The following LDLRAD3 variants were observed in gnomAD, a reference collection of about 807,000 sequenced individuals.
The protein encoded by LDLRAD3 is low-density lipoprotein receptor class A domain-containing protein 3.
A neutral mutation model predicts 29.4 loss-of-function variants in LDLRAD3; 20 were observed. That is an observed-to-expected ratio of 0.68 (90% confidence interval 0.48 to 0.99). The LOEUF (loss-of-function observed/expected upper bound fraction) is 0.99, where lower values mean the gene tolerates loss of function less well. Among genes scored for constraint, LDLRAD3 ranks in the 50% least tolerant of loss-of-function variants. The pLI, the probability that LDLRAD3 is intolerant of heterozygous loss-of-function variation, is 0.00. For missense variants in LDLRAD3, 420 were observed against 454.3 expected (o/e 0.92, Z 0.69); for synonymous variants, 157 against 192.7 (o/e 0.81, Z 1.53).
intron 4 of LDLRAD3, among the ~76,000 whole-genome samples, chr11:36,124,556 T>A (rs1261924161): frequency 6.6e-6 from 1 of 152,006 alleles, no homozygotes; most frequent in African/African-American, 2.4e-5. Flanking sequence ...TTTTGGGAGT[T>A]TTTTCACTGC....
intron 2 of LDLRAD3, among the ~76,000 whole-genome samples, chr11:36,048,499 C>T (rs1237976707): frequency 3.3e-5 from 5 of 149,958 alleles, no homozygotes; most frequent in Admixed American, 2.0e-4. Flanking sequence ...GAAGTTGAGT[C>T]AGGTCTATTG....
chr11:36,038,624 T>C (rs1157093811), intron 2 of LDLRAD3, among the ~76,000 whole-genome samples: 1 of 152,266 alleles, frequency 6.6e-6, no homozygotes, highest in East Asian at 1.9e-4. Context: ...CTGGAAGACA[T>C]GGTGGAGAGC....
chr11:36,120,604 A>G (rs1208638599), intron 4 of LDLRAD3, among the ~76,000 whole-genome samples: 1 of 152,210 alleles, frequency 6.6e-6, no homozygotes, highest in Admixed American at 6.5e-5. Context: ...AATGAGACCC[A>G]GAGGCATTAG....
chr11:35,975,924 C>T (rs1282848148), intron 1 of LDLRAD3, among the ~76,000 whole-genome samples: 2 of 150,594 alleles, frequency 1.3e-5, no homozygotes. Context: ...CTTCTGAGAA[C>T]AGGTGAGTAG....
intron 4 of LDLRAD3, among the ~76,000 whole-genome samples, chr11:36,207,854 C>A (rs1855231903): frequency 6.6e-6 from 1 of 152,128 alleles, no homozygotes; most frequent in Non-Finnish European, 1.5e-5. Context: ...GGGGGCTGCT[C>A]AGAGAGGGCC....
chr11:36,017,856 T>C (rs942450582), intron 1 of LDLRAD3, among the ~76,000 whole-genome samples: 2 of 152,182 alleles, frequency 1.3e-5, no homozygotes, highest in Non-Finnish European at 2.9e-5. Context: ...TTCAAAGATA[T>C]GCTTCAGGAT....
At chr11:36,226,098 G>T (rs373745056) in intron 4 of LDLRAD3, among the ~76,000 whole-genome samples, 1 of 126,046 alleles carries the variant, frequency 7.9e-6, no homozygotes, top group Admixed American at 7.8e-5. Context: ...AATAAATAAT[G>T]AATCATGTAC....
chr11:35,965,781 G>A (rs1329942418), intron 1 of LDLRAD3, among the ~76,000 whole-genome samples: 1 of 151,972 alleles, frequency 6.6e-6, no homozygotes, highest in African/African-American at 2.4e-5. Flanking sequence ...ATAGTGTGAG[G>A]GTTTATTCAA....
At chr11:35,983,028 A>G (rs1439918014) in intron 1 of LDLRAD3, among the ~76,000 whole-genome samples, 1 of 151,126 alleles carries the variant, frequency 6.6e-6, no homozygotes, top group Non-Finnish European at 1.5e-5. Flanking sequence ...TAATTTTTGT[A>G]TTTTCAGTAG....
chr11:36,005,129 C>A (rs909574995), intron 1 of LDLRAD3, among the ~76,000 whole-genome samples: 7 of 152,228 alleles, frequency 4.6e-5, no homozygotes, highest in African/African-American at 1.7e-4. Context: ...GGTTGAATTT[C>A]TTTCCAGAAA....
At chr11:36,034,784 G>A (rs1455371901) in intron 1 of LDLRAD3, among the ~76,000 whole-genome samples, 2 of 152,198 alleles carry the variant, frequency 1.3e-5, no homozygotes, top group Non-Finnish European at 2.9e-5. Context: ...GAGGAAAGGC[G>A]ACATATTTGT....
At chr11:36,081,477 GTGGGTGTCCAATCTGGC>G (rs1853112826) in intron 2 of LDLRAD3, among the ~76,000 whole-genome samples, 159 bp from the exon 3 acceptor site, 1 of 152,228 alleles carries the variant, frequency 6.6e-6, no homozygotes, top group African/African-American at 2.4e-5. Context: ...AATGTGGCGT[GTGGGTGTCCAATCTGGC>G]TGGGTGTTTG....
intron 1 of LDLRAD3, among the ~76,000 whole-genome samples, chr11:36,033,506 G>A (rs912383162): frequency 6.6e-6 from 1 of 152,238 alleles, no homozygotes; most frequent in African/African-American, 2.4e-5. Flanking sequence ...ATCAGAACAA[G>A]ATTTCACAGT....
chr11:36,121,662 G>C (rs545388411), intron 4 of LDLRAD3, among the ~76,000 whole-genome samples: 1 of 152,344 alleles, frequency 6.6e-6, no homozygotes, highest in East Asian at 1.9e-4. Flanking sequence ...GTTCAGGCAG[G>C]GAGAGCTGGT....
intron 1 of LDLRAD3, among the ~76,000 whole-genome samples, chr11:36,022,083 C>A (rs1041726281): frequency 6.6e-6 from 1 of 152,194 alleles, no homozygotes; most frequent in Admixed American, 6.5e-5. Flanking sequence ...CACACTGTGG[C>A]GCACGTTATT....
At chr11:35,998,833 A>T (rs1174622419) in intron 1 of LDLRAD3, among the ~76,000 whole-genome samples, 1 of 152,298 alleles carries the variant, frequency 6.6e-6, no homozygotes, top group South Asian at 2.1e-4. Flanking sequence ...AATTTAACTG[A>T]CACTTAGCGT....
intron 4 of LDLRAD3, among the ~76,000 whole-genome samples, chr11:36,131,234 C>T (rs1853921146): frequency 6.6e-6 from 1 of 152,234 alleles, no homozygotes; most frequent in Admixed American, 6.5e-5. Context: ...AGCTGTCTTG[C>T]CTTTCCACGC....
intron 3 of LDLRAD3, among the ~76,000 whole-genome samples, chr11:36,085,391 C>T (rs1160493693): frequency 6.7e-6 from 1 of 149,198 alleles, no homozygotes; most frequent in African/African-American, 2.5e-5. Flanking sequence ...TAGATCATAG[C>T]GTGTCTGGGT....
At chr11:36,041,419 T>C (rs882366) in intron 2 of LDLRAD3, among the ~76,000 whole-genome samples, 35,084 of 152,190 alleles carry the variant, frequency 0.23, 4,485 homozygotes, top group African/African-American at 0.36. Context: ...GCTTTCAGTC[T>C]TTTTCTCTAG....
Sources: gnomAD v4.1 joint callset for allele counts (sites outside exome capture counted in the v4.1 genomes callset) on GRCh38, gnomAD v4.1.1 for gene constraint, MANE v1.5 for transcripts, NCBI Gene and HGNC (gene_info 2026-07-23, HGNC 2026-07-21) for gene names.